The following AKAIN1 variants were observed in gnomAD, a reference collection of about 807,000 sequenced individuals.
AKAIN1 encodes A-kinase anchor inhibitor 1.
In AKAIN1, 3 loss-of-function variants were observed where a neutral mutation model predicts 3.7. That is an observed-to-expected ratio of 0.82 (90% CI 0.37 to 2.12). The LOEUF is 2.12. Ranked by LOEUF, AKAIN1 falls within the 30% of genes most tolerant of loss-of-function variation. AKAIN1 has a pLI of 0.06. For synonymous variants in AKAIN1, 31 were observed against 30.8 expected, an observed-to-expected ratio of 1.01 and a Z score of -0.02; for missense variants, 82 against 82.7, an observed-to-expected ratio of 0.99 and a Z score of 0.03.
chr18:5,163,065 T>A (rs1188080105), intron 1 of AKAIN1, among the ~76,000 whole-genome samples: 1 of 152,012 alleles, frequency 6.6e-6, no homozygotes, highest in Non-Finnish European at 1.5e-5. Context: ...GGTGCAGGTT[T>A]CAGGCAGCCA....
chr18:5,184,054 C>T (rs896232066), intron 1 of AKAIN1, among the ~76,000 whole-genome samples: 3 of 152,034 alleles, frequency 2.0e-5, no homozygotes, highest in Non-Finnish European at 4.4e-5. Context: ...ACACATGGCA[C>T]TAATAGAACA....
At chr18:5,197,499 T>C, upstream of AKAIN1, 2 of 391,862 alleles carry the variant, frequency 5.1e-6, no homozygotes, top group Non-Finnish European at 6.1e-6. This position sits in a 1 kb window ranked among gnomAD's most constrained non-coding sequence, Gnocchi z 6.9. Flanking sequence ...TTAAGATAGA[T>C]TTGTCAAAAA....
At chr18:5,157,952 C>T (rs1431174718) in intron 1 of AKAIN1, among the ~76,000 whole-genome samples, 1 of 152,172 alleles carries the variant, frequency 6.6e-6, no homozygotes, top group Non-Finnish European at 1.5e-5. Flanking sequence ...CTTCCACTTC[C>T]CAAAGCACTG....
intron 1 of AKAIN1, among the ~76,000 whole-genome samples, chr18:5,178,459 T>C (rs2143363889): frequency 6.6e-6 from 1 of 152,242 alleles, no homozygotes; most frequent in Admixed American, 6.5e-5. Context: ...AGGTGTGTTC[T>C]TCAAACCAGG....
intron 1 of AKAIN1, among the ~76,000 whole-genome samples, chr18:5,192,402 T>C (rs572082267): frequency 9.0e-6 from 1 of 111,500 alleles, no homozygotes; most frequent in African/African-American, 3.2e-5. Flanking sequence ...TCTTTCTTTC[T>C]TTCTTTCTTT....
At chr18:5,180,539 G>C (rs539503496) in intron 1 of AKAIN1, among the ~76,000 whole-genome samples, 2 of 152,140 alleles carry the variant, frequency 1.3e-5, no homozygotes, top group African/African-American at 4.8e-5. Context: ...AGCCTTACAT[G>C]TTGTGCTTCT....
At chr18:5,159,926 T>C (rs2071129778) in intron 1 of AKAIN1, among the ~76,000 whole-genome samples, 1 of 152,248 alleles carries the variant, frequency 6.6e-6, no homozygotes, top group Non-Finnish European at 1.5e-5. Context: ...TATATTGTTG[T>C]CTGTATCTTT....
At chr18:5,173,876 T>C (rs1810097914) in intron 1 of AKAIN1, among the ~76,000 whole-genome samples, 1 of 151,900 alleles carries the variant, frequency 6.6e-6, no homozygotes, top group South Asian at 2.1e-4. Context: ...GACCGAGAAA[T>C]GGAATTGCAG....
chr18:5,187,567 C>A (rs1007587288), intron 1 of AKAIN1, among the ~76,000 whole-genome samples: 3 of 152,130 alleles, frequency 2.0e-5, no homozygotes, highest in East Asian at 1.9e-4. Flanking sequence ...CAGGAGCCCA[C>A]TCCTGCAATA....
In AKAIN1 at chr18:5,157,579, C is replaced by T. The variant is rs543501564; in HGVS notation, c.17-11824G>A. 1.1e-4 allele frequency among the ~76,000 whole-genome samples: 17 copies of T among 152,258 alleles called. No individual in the cohort carries two copies. In the East Asian group the frequency reaches 2.7e-3, roughly 24 times the overall value. ...CTCACCCGTCCTCTCACTTAGCAGA[C>T]GTGGACTTTCCTATGACTCTGTACT... is the stretch of plus-strand genomic sequence containing the variant. On this transcript the variant is annotated intron_variant, in intron 1 of 1. Transcript: ENST00000434239.
intron 1 of AKAIN1, among the ~76,000 whole-genome samples, chr18:5,154,116 T>C (rs373132380): frequency 6.6e-6 from 1 of 152,174 alleles, no homozygotes; most frequent in Non-Finnish European, 1.5e-5. Context: ...ATCAAGCTTT[T>C]AGAAGAATGT....
chr18:5,196,845 G>A (rs1377792964), intron 1 of AKAIN1, among the ~76,000 whole-genome samples, 193 bp downstream of exon 1: 4 of 152,216 alleles, frequency 2.6e-5, no homozygotes, highest in Non-Finnish European at 5.9e-5. Flanking sequence ...GATTGTTAGA[G>A]GACAGATGGG....
chr18:5,180,586 T>G (rs1199172113), intron 1 of AKAIN1, among the ~76,000 whole-genome samples: 2 of 152,264 alleles, frequency 1.3e-5, no homozygotes, highest in East Asian at 3.9e-4. Flanking sequence ...TAACTGTTAA[T>G]TATTAACTTG....
chr18:5,179,547 C>A (rs1313621736), intron 1 of AKAIN1, among the ~76,000 whole-genome samples: 2 of 152,048 alleles, frequency 1.3e-5, no homozygotes, highest in Non-Finnish European at 2.9e-5. Flanking sequence ...CATATGAATG[C>A]AGGTATCTTT....
intron 1 of AKAIN1, among the ~76,000 whole-genome samples, chr18:5,151,055 C>T (rs2071077336): frequency 6.6e-6 from 1 of 152,104 alleles, no homozygotes; most frequent in African/African-American, 2.4e-5. Flanking sequence ...TATCTCTCAT[C>T]TCTCCCCACT....
chr18:5,173,229 G>A (rs1227173352), intron 1 of AKAIN1, among the ~76,000 whole-genome samples: 1 of 152,124 alleles, frequency 6.6e-6, no homozygotes, highest in African/African-American at 2.4e-5. Context: ...AAAGCTTTTT[G>A]TAGAATTAAC....
chr18:5,145,466 A>G lies in AKAIN1; in HGVS notation c.*96T>C. 1 of 976,672 alleles carries G rather than the reference A, an allele frequency of 1.0e-6. No homozygotes were observed. Among genetic ancestry groups the G allele is most frequent in the Non-Finnish European group, 1.5e-6 (1 of 654,464 alleles). 60.5% of individuals were successfully genotyped at this position (976,672 alleles called of 1,614,324 possible). A position where few individuals can be genotyped will look rare whatever the true frequency, so the allele number is the denominator to read the frequency against. On this transcript the variant is annotated 3_prime_UTR_variant, in exon 2 of 2. Coordinates refer to ENST00000434239, the MANE Select transcript of AKAIN1 (RefSeq NM_001145194.2). ...CATTCTACAGCTAGGTGCCGGTGAC[A>G]CTTCGGTTTGCTTTACTGGCAACAT...
At chr18:5,194,551 G>A (rs2071337871) in intron 1 of AKAIN1, among the ~76,000 whole-genome samples, 1 of 152,072 alleles carries the variant, frequency 6.6e-6, no homozygotes, top group African/African-American at 2.4e-5. Flanking sequence ...ACAAATATCT[G>A]TCACTCTTCA....
chr18:5,148,501 C>A (rs1357476071), intron 1 of AKAIN1, among the ~76,000 whole-genome samples: 1 of 152,200 alleles, frequency 6.6e-6, no homozygotes, highest in African/African-American at 2.4e-5. Flanking sequence ...CATGGCCACG[C>A]TTAGCTATGT....
Sources: gnomAD v4.1 joint callset for allele counts (sites outside exome capture counted in the v4.1 genomes callset) on GRCh38, gnomAD v4.1.1 for gene constraint, Gnocchi (gnomAD v3.1) non-coding constraint, MANE v1.5 for transcripts, NCBI Gene and HGNC (gene_info 2026-07-23, HGNC 2026-07-21) for gene names.